JPH3: variants seen among roughly 807,000 people sequenced by gnomAD.
JPH3 encodes the protein junctophilin-3.
In JPH3, 11 loss-of-function variants were observed where a neutral mutation model predicts 59.6. The ratio of observed to expected loss-of-function variants is 0.18; its 90% CI spans 0.12 to 0.31. The LOEUF is 0.31. JPH3 is among the 10% of genes least tolerant of loss of function. The pLI, the probability that JPH3 is intolerant of heterozygous loss-of-function variation, is 1.00. For missense variants in JPH3, 1,202 were observed against 1,105.7 expected (o/e 1.09, Z -1.24); for synonymous variants, 673 against 483.6 (o/e 1.39, Z -5.14).
At chr16:87,667,067 C>G (rs1251986588) in intron 2 of JPH3, among the ~76,000 whole-genome samples, 1 of 152,256 alleles carries the variant, frequency 6.6e-6, no homozygotes, top group African/African-American at 2.4e-5. Context: ...GCCGTGCCCC[C>G]TCTGCAGCCT....
In JPH3 at chr16:87,644,571, C is replaced by T; in HGVS notation, c.696C>T (p.Ser232=). The T allele has an allele frequency of 1.9e-6, 3 of 1,612,864 alleles. No individual in the cohort carries two copies. The highest frequency in any genetic ancestry group is 1.7e-6 in the Non-Finnish European group (2 of 1,179,806). ...GLKLRKSESK[S]SLASQRSKQS... ...AGCTGCGCAAGTCGGAGTCCAAGAGCAGCCTGGCCAGCCAACGCAGCAAGC... is the reference window on the plus strand; with the variant it reads ...AGCTGCGCAAGTCGGAGTCCAAGAGTAGCCTGGCCAGCCAACGCAGCAAGC... Residue 232 remains serine (S), a synonymous_variant, in exon 2 of 5, where the codon AGC becomes AGT. Transcript: ENST00000284262.
At chr16:87,602,103 C>A (rs2030219804), upstream of JPH3, 1 of 149,612 alleles carries the variant, frequency 6.7e-6, no homozygotes, top group Non-Finnish European at 1.5e-5. Context: ...CGGGCAGGGG[C>A]GAGGGTAGGG....
Position 87,697,032 on chromosome 16 carries a change from A to G in JPH3, c.*372A>G, listed in dbSNP as rs148996796. Reference sequence around the variant, plus strand: ...GTGTGGATGGAGGGCAGCCCGGGGCAGAGCCTCAGCCCCGCGGCCCCTGAG... The same window carrying G: ...GTGTGGATGGAGGGCAGCCCGGGGCGGAGCCTCAGCCCCGCGGCCCCTGAG... On this transcript the variant is annotated 3_prime_UTR_variant, in exon 5 of 5. Transcript: ENST00000284262. 3.2e-3 allele frequency: 929 copies of G among 294,532 alleles called. 8 individuals carry two copies. The highest frequency in any genetic ancestry group is 0.019 in the African/African-American group (888 of 46,168). The allele number at this position is 294,532 out of a possible 1,614,324, so 18.2% of individuals were successfully genotyped here.
At chr16:87,693,210 G>A (rs2033654033) in intron 4 of JPH3, among the ~76,000 whole-genome samples, 1 of 152,236 alleles carries the variant, frequency 6.6e-6, no homozygotes, top group Non-Finnish European at 1.5e-5. Flanking sequence ...GTCCCTGATA[G>A]GCTGGGAGGT....
chr16:87,664,647 C>T (rs1286148813), intron 2 of JPH3, among the ~76,000 whole-genome samples: 2 of 152,152 alleles, frequency 1.3e-5, no homozygotes, highest in African/African-American at 2.4e-5. Flanking sequence ...ATAATTCGTC[C>T]GTCTCCTCGG....
At chr16:87,631,963 G>A (rs1035768065) in intron 1 of JPH3, among the ~76,000 whole-genome samples, 1 of 152,020 alleles carries the variant, frequency 6.6e-6, no homozygotes, top group Admixed American at 6.6e-5. Context: ...TCTCCCACCT[G>A]CTGCATTTTC....
rs1438124136 is a variant in JPH3 at position 87,689,957 on chromosome 16, G to A, written c.1597G>A (p.Glu533Lys). 3.4e-6 allele frequency: 5 copies of A among 1,450,974 alleles called. No individual in the cohort carries two copies. The highest frequency in any genetic ancestry group is 5.0e-5 in the East Asian group (2 of 39,914). 89.9% of individuals were successfully genotyped at this position (1,450,974 alleles called of 1,614,324 possible). Residue 533 changes from glutamate to lysine, a missense_variant, in exon 4 of 5, where the codon GAG (glutamate) becomes AAG (lysine). Glu to Lys is a moderately conservative substitution (Grantham distance 56, BLOSUM62 1). Coordinates refer to ENST00000284262, the MANE Select transcript of JPH3 (RefSeq NM_020655.4). The part of the protein sequence containing the change: ...AGDCARSSWG[E>K]EQAGGSRGVR... Reference sequence around the variant, plus strand: ...GGACTGCGCCCGCAGCAGCTGGGGCGAGGAGCAGGCCGGGGGCTCCAGGGG... The same window carrying A: ...GGACTGCGCCCGCAGCAGCTGGGGCAAGGAGCAGGCCGGGGGCTCCAGGGG...
At chr16:87,626,402 C>T (rs949359115) in intron 1 of JPH3, among the ~76,000 whole-genome samples, 1 of 152,252 alleles carries the variant, frequency 6.6e-6, no homozygotes, top group Non-Finnish European at 1.5e-5. Context: ...TCCAGGAGGA[C>T]TGGGGCTCTC....
Position 87,692,206 on chromosome 16 carries a change from T to TCTCCCTCCCC in JPH3, c.2166+1680_2166+1681insCTCCCTCCCC, listed in dbSNP as rs1567617623. On this transcript the variant is annotated intron_variant, in intron 4 of 4. Transcript: ENST00000284262. ...CTGGTGCAAACAAGGTTTCCCTCCC[T>TCTCCCTCCCC]GTCTCCCTCCCCGTCTCCCTCCCCA... Among the ~76,000 whole-genome samples, 18 of 151,486 alleles carry TCTCCCTCCCC rather than the reference T, an allele frequency of 1.2e-4. No individual in the cohort carries two copies. The South Asian group carries it at 1.3e-3, about 11-fold the overall frequency.
At chr16:87,670,481 G>C (rs1225643170) in intron 2 of JPH3, among the ~76,000 whole-genome samples, 1 of 152,224 alleles carries the variant, frequency 6.6e-6, no homozygotes, top group Admixed American at 6.5e-5. Flanking sequence ...GCAGTGGACT[G>C]CGGGACAGGA....
chr16:87,677,018 G>T (rs958957462), intron 2 of JPH3, among the ~76,000 whole-genome samples: 1 of 151,678 alleles, frequency 6.6e-6, no homozygotes, highest in African/African-American at 2.4e-5. Flanking sequence ...AATTAGCCGG[G>T]CGTGGTGGCG....
At chr16:87,610,047 A>G (rs1053683279) in intron 1 of JPH3, among the ~76,000 whole-genome samples, 1 of 152,222 alleles carries the variant, frequency 6.6e-6, no homozygotes, top group African/African-American at 2.4e-5. Context: ...ATCGGACATT[A>G]GATTATCATA....
rs560778766 is a variant in JPH3, at chr16:87,613,268, T to C, written c.382+9740T>C. ...CCCACCACCACGTCCGGCTAATTTT[T>C]TGTATTTTGTTTAGTAGAGACGGGG... On this transcript the variant is annotated intron_variant, in intron 1 of 4. Coordinates refer to ENST00000284262, the MANE Select transcript of JPH3 (RefSeq NM_020655.4). Among the ~76,000 whole-genome samples, 765 of 151,530 alleles carry C rather than the reference T, an allele frequency of 5.0e-3. 9 individuals are homozygous for C. Among genetic ancestry groups the C allele is most frequent in the African/African-American group, 0.018 (738 of 41,318 alleles).
At chr16:87,616,313 A>G (rs1210992927) in intron 1 of JPH3, among the ~76,000 whole-genome samples, 1 of 149,172 alleles carries the variant, frequency 6.7e-6, no homozygotes, top group Non-Finnish European at 1.5e-5. Flanking sequence ...AGCTCACTAC[A>G]GGCTCCACCT....
chr16:87,654,701 TC>T (rs2032435747), intron 2 of JPH3: 1 of 152,320 alleles, frequency 6.6e-6, no homozygotes, highest in African/African-American at 2.4e-5. Flanking sequence ...CGCTGCTTTT[TC>T]CTTGGGGTCT....
intron 1 of JPH3, among the ~76,000 whole-genome samples, chr16:87,607,289 C>A (rs951718285): frequency 2.6e-5 from 4 of 152,134 alleles, no homozygotes; most frequent in Non-Finnish European, 4.4e-5. Flanking sequence ...CGAAAGTTAC[C>A]CCCTCCAATA....
At chr16:87,627,079 C>A (rs1381784908) in intron 1 of JPH3, among the ~76,000 whole-genome samples, 1 of 152,264 alleles carries the variant, frequency 6.6e-6, no homozygotes, top group East Asian at 1.9e-4. Flanking sequence ...CGGGCCTGCC[C>A]CAGCCCCGCT....
intron 1 of JPH3, among the ~76,000 whole-genome samples, chr16:87,638,174 C>T (rs1181150886): frequency 6.6e-6 from 1 of 152,170 alleles, no homozygotes; most frequent in Non-Finnish European, 1.5e-5. Flanking sequence ...CCTGCCTGGC[C>T]TCCCAAAGTG....
chr16:87,679,308 G>A (rs62053827), intron 2 of JPH3, among the ~76,000 whole-genome samples: 1 of 143,478 alleles, frequency 7.0e-6, no homozygotes, highest in African/African-American at 2.6e-5. Context: ...CTAAAGATAA[G>A]AGAGGGGTCA....
Sources: allele counts gnomAD v4.1 joint callset (sites outside exome capture counted in the v4.1 genomes callset), GRCh38; gene constraint gnomAD v4.1.1; transcripts MANE v1.5; gene names NCBI Gene and HGNC (gene_info 2026-07-23, HGNC 2026-07-21).